The following TNC variants were observed in gnomAD, a reference collection of about 807,000 sequenced individuals.
TNC encodes tenascin C, also known as tenascin.
In TNC, 109 loss-of-function variants were observed where a neutral mutation model predicts 202.4. The ratio of observed to expected loss-of-function variants is 0.54; its 90% CI spans 0.46 to 0.63. TNC has a LOEUF of 0.63. Ranked by LOEUF, TNC falls within the 30% of genes least tolerant of loss-of-function variation. The probability of loss-of-function intolerance (pLI) is 0.00; values close to 1 mark genes in which losing one functional copy is unlikely to be tolerated. For synonymous variants in TNC, 1,007 were observed against 1,089.7 expected (o/e 0.92, Z 1.50); for missense variants, 2,756 against 2,833.3 (o/e 0.97, Z 0.62).
intron 18 of TNC, among the ~76,000 whole-genome samples, chr9:115,041,398 T>C (rs1475653948): frequency 2.0e-5 from 3 of 152,094 alleles, no homozygotes; most frequent in African/African-American, 7.2e-5. Context: ...TATCTTATTA[T>C]TTTTCCCCAC....
intron 1 of TNC, among the ~76,000 whole-genome samples, chr9:115,099,562 G>A (rs924113819): frequency 1.3e-5 from 2 of 152,178 alleles, no homozygotes; most frequent in Non-Finnish European, 1.5e-5. Flanking sequence ...AGCTGTTTTG[G>A]TTGTGTAACA....
chr9:115,070,602 A>G (rs971529768), intron 10 of TNC, among the ~76,000 whole-genome samples: 2 of 152,222 alleles, frequency 1.3e-5, no homozygotes, highest in African/African-American at 4.8e-5. Context: ...TTATGGCCCA[A>G]TCCATCAGTA....
At chr9:115,066,401 G>A (rs1832954172) in intron 10 of TNC, among the ~76,000 whole-genome samples, 11 of 152,088 alleles carry the variant, frequency 7.2e-5, no homozygotes, top group Admixed American at 7.2e-4. Context: ...ACTTCACATT[G>A]CTGCTAATTT....
intron 26 of TNC, 90 bp downstream of exon 26, chr9:115,026,444 T>C: frequency 7.2e-7 from 1 of 1,380,580 alleles, no homozygotes; most frequent in Non-Finnish European, 1.0e-6. Flanking sequence ...GCTGGATTAA[T>C]GAGGAAGGAA....
At position 115,078,066 on chromosome 9, in the gene TNC, G is replaced by A. The variant is rs3748170; in HGVS notation, c.2551C>T (p.Leu851Phe). 8 of 1,614,102 alleles carry A rather than the reference G, an allele frequency of 5.0e-6. No homozygotes were observed. The highest frequency in any genetic ancestry group is 6.8e-6 in the Non-Finnish European group (8 of 1,180,010). The change falls in exon 7 of 28, where the codon CTC (leucine) becomes TTC (phenylalanine). Residue 851 changes from leucine to phenylalanine, a missense_variant. Coordinates refer to ENST00000350763, the MANE Select transcript of TNC (RefSeq NM_002160.4). ...DVPGDRTTID[L>F]TEDENQYSIG... ...GAGTACTGGTTCTCGTCCTCTGTGA[G>A]ATCGATGGTGGTACGGTCTCCTGGC...
intron 22 of TNC, among the ~76,000 whole-genome samples, chr9:115,031,931 A>G (rs1224630774): frequency 6.6e-6 from 1 of 152,088 alleles, no homozygotes; most frequent in Admixed American, 6.6e-5. Context: ...TAATATAAGG[A>G]GGGAGAGACC....
intron 4 of TNC, 24 bp from the exon 5 acceptor site, chr9:115,082,831 A>C: frequency 6.5e-7 from 1 of 1,538,860 alleles, no homozygotes; most frequent in Non-Finnish European, 9.0e-7. Context: ...CATAAATAGA[A>C]CGTAAGGATA....
intron 1 of TNC, among the ~76,000 whole-genome samples, chr9:115,112,012 T>C (rs1355466647): frequency 6.6e-6 from 1 of 152,154 alleles, no homozygotes; most frequent in African/African-American, 2.4e-5. Flanking sequence ...CATGAGATAA[T>C]AAATGAGTGT....
chr9:115,047,805 C>A (rs896972281), intron 16 of TNC, among the ~76,000 whole-genome samples: 15 of 152,128 alleles, frequency 9.9e-5, no homozygotes, highest in Non-Finnish European at 2.2e-4. Context: ...AAAATAAGTT[C>A]ACATTTGGTT....
intron 25 of TNC, among the ~76,000 whole-genome samples, chr9:115,028,535 C>T (rs1829685895): frequency 6.6e-6 from 1 of 152,094 alleles, no homozygotes; most frequent in Non-Finnish European, 1.5e-5. Context: ...TAGGTTAACA[C>T]ATAAGGGCTG....
chr9:115,111,694 G>T (rs1299005198), intron 1 of TNC, among the ~76,000 whole-genome samples: 2 of 152,026 alleles, frequency 1.3e-5, no homozygotes, highest in African/African-American at 4.8e-5. Context: ...TAAGAGGTGT[G>T]AGCGACCATG....
intron 17 of TNC, among the ~76,000 whole-genome samples, chr9:115,043,834 A>G (rs1457003987): frequency 6.6e-6 from 1 of 152,250 alleles, no homozygotes; most frequent in Non-Finnish European, 1.5e-5. Context: ...TATTGCTTTG[A>G]CTGAAAACCT....
rs2131650617 is a variant in TNC at position 115,030,367 on chromosome 9, C to T, written c.5959G>A (p.Ala1987Thr). 6.2e-7 allele frequency: 1 copy of T among 1,613,958 alleles called. No homozygotes were observed. The highest frequency in any genetic ancestry group is 8.5e-7 in the Non-Finnish European group (1 of 1,179,886). ...GAGGTCGTGTCTCCATTCAGCATTG[C>T]TTGGGAGCAGTCCTTGGGGAAGGGG... ...LYPFPKDCSQ[A>T]MLNGDTTSGL... The change falls in exon 24 of 28, where the codon GCA becomes ACA. Residue 1987 changes from alanine to threonine, a missense_variant. This residue lies in a region of TNC where 197 missense variants were observed against 287.3 expected (regional missense o/e 0.69). Coordinates refer to ENST00000350763, the MANE Select transcript of TNC (RefSeq NM_002160.4).
rs544394236 is a variant in TNC, at chr9:115,081,904, T to C, written c.2272A>G (p.Thr758Ala). 1 of 1,593,042 alleles carries C rather than the reference T, an allele frequency of 6.3e-7. No homozygotes were observed. Among genetic ancestry groups the C allele is most frequent in the Admixed American group, 1.9e-5 (1 of 53,022 alleles). Residue 758 changes from threonine (T) to alanine (A), a missense_variant, in exon 6 of 28, where the codon ACC becomes GCC. Around this residue, in one of 2 missense-constraint regions of TNC, gnomAD observed 2,559 missense variants for 2,546.0 expected, o/e 1.01. Transcript: ENST00000350763. The stretch of plus-strand genomic sequence containing the variant: ...GTCTCTGGCCTCCTCAGGCTTTTGG[T>C]GATCTCTCCCTCATCTTCTTTATTC... ...NMNKEDEGEI[T>A]KSLRRPETSY...
chr9:115,111,929 AAC>A (rs1446663044), intron 1 of TNC, among the ~76,000 whole-genome samples: 2 of 152,160 alleles, frequency 1.3e-5, no homozygotes, highest in Non-Finnish European at 2.9e-5. Context: ...AACCCTGTCC[AAC>A]ACAGACAATA....
intron 6 of TNC, 58 bp downstream of exon 6, chr9:115,081,714 A>T: frequency 6.3e-7 from 1 of 1,586,288 alleles, no homozygotes; most frequent in Non-Finnish European, 8.6e-7. Context: ...CTCAACCAGG[A>T]GGTGCTATGA....
rs559423461 is a variant in TNC at position 115,085,913 on chromosome 9, C to T, written c.1818G>A (p.Ser606=). ...AGCCCTCGTTGCAGATGCAGCGGCC[C>T]GAGACGCATTGTCCTAAGTTGTTGC... ...SDCNNLGQCV[S]GRCICNEGYS... The change falls in exon 3 of 28, where the codon TCG becomes TCA. Residue 606 remains serine (S), a synonymous_variant. Transcript: ENST00000350763. The T allele has an allele frequency of 2.0e-5, 33 of 1,613,086 alleles. No individual in the cohort carries two copies. The highest frequency in any genetic ancestry group is 1.8e-4 in the East Asian group (8 of 44,822).
At chr9:115,057,027 G>T in intron 15 of TNC, 126 bp downstream of exon 15, 1 of 1,185,066 alleles carries the variant, frequency 8.4e-7, no homozygotes, top group Non-Finnish European at 1.2e-6. Flanking sequence ...CAGCACCCCA[G>T]CCTAGCACCA....
intron 19 of TNC, among the ~76,000 whole-genome samples, chr9:115,039,204 G>A (rs983662635): frequency 6.6e-6 from 1 of 152,130 alleles, no homozygotes; most frequent in East Asian, 1.9e-4. Flanking sequence ...GGCTCTGGAG[G>A]CCGGTGGTCC....
Sources: gnomAD v4.1 joint callset for allele counts (sites outside exome capture counted in the v4.1 genomes callset) on GRCh38, gnomAD v4.1.1 for gene constraint, gnomAD v4.1.1 regional missense constraint, MANE v1.5 for transcripts, NCBI Gene and HGNC (gene_info 2026-07-23, HGNC 2026-07-21) for gene names.